Variants in BRD4 observed in about 807,000 individuals in gnomAD.
The protein encoded by BRD4 is bromodomain containing 4.
Under a neutral mutation model 142.1 loss-of-function variants are expected in BRD4, and 16 were observed. The ratio of observed to expected loss-of-function variants is 0.11; its 90% confidence interval spans 0.08 to 0.17. The LOEUF (loss-of-function observed/expected upper bound fraction) is 0.17, where lower values mean the gene tolerates loss of function less well. Among genes scored for constraint, BRD4 ranks in the 10% least tolerant of loss-of-function variants. The probability of loss-of-function intolerance (pLI) is 1.00; values close to 1 mark genes in which losing one functional copy is unlikely to be tolerated. For missense variants in BRD4, 1,424 were observed against 1,810.9 expected (o/e 0.79, Z 3.88); for synonymous variants, 833 against 707.5 (o/e 1.18, Z -2.82).
At chr19:15,296,395 G>A (rs984156759) in intron 1 of BRD4, among the ~76,000 whole-genome samples, 2 of 152,272 alleles carry the variant, frequency 1.3e-5, no homozygotes, top group South Asian at 2.1e-4. Flanking sequence ...TGCTGTGGCC[G>A]CATTTGTTCC....
At chr19:15,249,323 GA>G (rs1478231888) in intron 11 of BRD4, 2 of 1,613,802 alleles carry the variant, frequency 1.2e-6, no homozygotes, top group African/African-American at 2.7e-5. Context: ...CAGTGTGAGA[GA>G]AATGGTGTGG....
chr19:15,316,083 G>C (rs1291886849), intron 1 of BRD4, among the ~76,000 whole-genome samples: 2 of 147,830 alleles, frequency 1.4e-5, no homozygotes, highest in African/African-American at 5.1e-5. Context: ...GTGAACCCGG[G>C]AGGCAGAGCT....
At chr19:15,284,990 G>A (rs534983870) in intron 1 of BRD4, among the ~76,000 whole-genome samples, 125 of 152,306 alleles carry the variant, frequency 8.2e-4, no homozygotes, top group African/African-American at 2.8e-3. Context: ...CACAGAGCAT[G>A]CCTCATCTCC....
rs2047210913 is a variant in BRD4, at chr19:15,238,422, A to G, written c.4044T>C (p.Asn1348=). 6.2e-7 allele frequency: 1 copy of G among 1,614,128 alleles called. No individual in the cohort carries two copies. Among genetic ancestry groups the G allele is most frequent in the African/African-American group, 1.3e-5 (1 of 75,062 alleles). Residue 1348 remains asparagine (N), a synonymous_variant, in exon 20 of 20, where the codon AAT becomes AAC. Transcript: ENST00000679869. The surrounding 1 kb of genome is among the most constrained non-coding windows in gnomAD (Gnocchi z 7.2). ...REAMAATIDM[N]FQSDLLSIFE... The stretch of plus-strand genomic sequence containing the variant: ...ATATTGACAATAGATCACTCTGGAA[A>G]TTCATGTCAATGGTAGCTGCCATCT...
chr19:15,312,722 G>A (rs1214738258), intron 1 of BRD4, among the ~76,000 whole-genome samples: 2 of 151,610 alleles, frequency 1.3e-5, no homozygotes, highest in Non-Finnish European at 2.9e-5. Flanking sequence ...AACCACCTGA[G>A]GTCAGGAGTT....
chr19:15,298,423 C>CCCAGGAGA (rs2047840846), intron 1 of BRD4, among the ~76,000 whole-genome samples: 4 of 151,526 alleles, frequency 2.6e-5, no homozygotes, highest in Admixed American at 6.6e-5. Flanking sequence ...AGATCACGAG[C>CCCAGGAGA]TCAGGAGATC....
At chr19:15,259,543 T>A (rs368645165) in intron 7 of BRD4, among the ~76,000 whole-genome samples, 6 of 152,094 alleles carry the variant, frequency 3.9e-5, no homozygotes, top group African/African-American at 1.2e-4. Flanking sequence ...GAAACTAACA[T>A]TGGTGGGACT....
chr19:15,302,850 C>CA (rs1054561696), intron 1 of BRD4, among the ~76,000 whole-genome samples: 14 of 150,440 alleles, frequency 9.3e-5, no homozygotes, highest in African/African-American at 1.7e-4. Context: ...CTAAAAAATA[C>CA]AAAAAAAATT....
At position 15,244,444 on chromosome 19, in the gene BRD4, C is replaced by A; in HGVS notation, c.2368G>T (p.Ala790Ser). ...GGGGGCGAGGACTTCATCGCCGGGGCTGCCTGCTGCGGCATGGAGGGTGGG... is the reference window on the plus strand; with the variant it reads ...GGGGGCGAGGACTTCATCGCCGGGGATGCCTGCTGCGGCATGGAGGGTGGG... Reference protein sequence around the residue: ...PPPPSMPQQAAPAMKSSPPPF... With the variant: ...PPPPSMPQQASPAMKSSPPPF... The change falls in exon 13 of 20, where the codon GCC (alanine) becomes TCC (serine). Residue 790 changes from alanine to serine, a missense_variant. Ala to Ser is a moderately conservative substitution (Grantham distance 99). Transcript: ENST00000679869. 1.8e-6 allele frequency: 2 copies of A among 1,124,882 alleles called. No homozygotes were observed. Among genetic ancestry groups the A allele is most frequent in the South Asian group, 1.3e-5 (1 of 78,478 alleles). 69.7% of individuals were successfully genotyped at this position (1,124,882 alleles called of 1,614,324 possible). A position where few individuals can be genotyped will look rare whatever the true frequency, so the allele number is the denominator to read the frequency against.
At chr19:15,313,525 A>T (rs2145716471) in intron 1 of BRD4, among the ~76,000 whole-genome samples, 1 of 151,604 alleles carries the variant, frequency 6.6e-6, no homozygotes, top group African/African-American at 2.4e-5. Context: ...AATACAAAAA[A>T]ATTTGCCGGG....
intron 11 of BRD4, among the ~76,000 whole-genome samples, chr19:15,245,441 T>A (rs921703232): frequency 6.6e-6 from 1 of 152,140 alleles, no homozygotes; most frequent in African/African-American, 2.4e-5. Context: ...AAGAGGTAGA[T>A]GGACCTCAGA....
At position 15,332,526 on chromosome 19, in the gene BRD4, G is replaced by GCCC. The variant is rs1217775879; in HGVS notation, c.-272_-271insGGG. ...AGCCGCCGCCGCCGCCGCCGCCGCC[G>GCCC]CCGCCAGCGCACTGACGTCACCGCG... On this transcript the variant is annotated 5_prime_UTR_variant, in exon 1 of 20. Transcript: ENST00000679869. 2 of 164,104 alleles carry GCCC rather than the reference G, an allele frequency of 1.2e-5. No homozygotes were observed. The highest frequency in any genetic ancestry group is 2.5e-5 in the African/African-American group (1 of 40,250). The allele number at this position is 164,104 out of a possible 1,614,324, so 10.2% of individuals were successfully genotyped here.
intron 1 of BRD4, among the ~76,000 whole-genome samples, chr19:15,290,756 C>T (rs1333650240): frequency 6.6e-6 from 1 of 152,146 alleles, no homozygotes; most frequent in Non-Finnish European, 1.5e-5. Context: ...TGTGTTCCAT[C>T]TCATACCCAT....
intron 3 of BRD4, 113 bp downstream of exon 3, chr19:15,268,792 C>G: frequency 8.0e-7 from 1 of 1,252,068 alleles, no homozygotes. Flanking sequence ...TCTTGCCAGA[C>G]TCCAAGCCCA....
intron 11 of BRD4, chr19:15,253,199 C>T: frequency 2.9e-6 from 1 of 346,832 alleles, no homozygotes; most frequent in African/African-American, 2.1e-5. Context: ...AGCGGCAACC[C>T]CGTTGGCCGT....
chr19:15,263,314 A>C, intron 7 of BRD4, 106 bp downstream of exon 7: 1 of 1,377,798 alleles, frequency 7.3e-7, no homozygotes, highest in South Asian at 1.4e-5. Context: ...GCATTATCCC[A>C]AGGAAAGTGA....
Position 15,253,890 on chromosome 19 carries a change from C to A in BRD4, c.2158+262G>T, listed in dbSNP as rs113765789. 16 of 1,011,524 alleles carry A rather than the reference C, an allele frequency of 1.6e-5. No homozygotes were observed. In the South Asian group the frequency reaches 1.9e-4, roughly 12 times the overall value. 62.7% of individuals were successfully genotyped at this position (1,011,524 alleles called of 1,614,324 possible). ...CATCCAGGGCTCCGCAGTGTCAACG[C>A]CCTTGGCCATTCATCCTCCATGACC... On this transcript the variant is annotated intron_variant, in intron 11 of 19. Transcript: ENST00000679869.
chr19:15,240,517 C>A (rs1271254621), intron 14 of BRD4, among the ~76,000 whole-genome samples: 1 of 152,162 alleles, frequency 6.6e-6, no homozygotes, highest in Non-Finnish European at 1.5e-5. Context: ...TGCTCAGGAC[C>A]CTCCCCACAG....
intron 1 of BRD4, among the ~76,000 whole-genome samples, chr19:15,316,199 A>G (rs1279322522): frequency 6.6e-6 from 1 of 150,926 alleles, no homozygotes; most frequent in African/African-American, 2.4e-5. Context: ...AGCTCACCAT[A>G]ATCCTGAAAG....
Sources: gnomAD v4.1 joint callset for allele counts (sites outside exome capture counted in the v4.1 genomes callset) on GRCh38, gnomAD v4.1.1 for gene constraint, Gnocchi (gnomAD v3.1) non-coding constraint, MANE v1.5 for transcripts, NCBI Gene and HGNC (gene_info 2026-07-23, HGNC 2026-07-21) for gene names.